Variants in MAP2 observed in about 807,000 individuals in gnomAD.
The protein encoded by MAP2 is microtubule-associated protein 2.
MAP2 carries 14 observed loss-of-function variants against 137.6 expected under a neutral mutation model. The observed-to-expected ratio is 0.10, with a 90% CI of 0.07 to 0.16. The LOEUF (loss-of-function observed/expected upper bound fraction) is 0.16, where lower values mean the gene tolerates loss of function less well. Ranked by LOEUF, MAP2 falls within the 10% of genes least tolerant of loss-of-function variation. MAP2 has a pLI of 1.00. For missense variants in MAP2, 2,088 were observed against 2,191.5 expected (o/e 0.95, Z 0.94); for synonymous variants, 786 against 782.3 (o/e 1.00, Z -0.08).
At chr2:209,644,293 T>C (rs2094248785) in intron 4 of MAP2, among the ~76,000 whole-genome samples, 1 of 152,204 alleles carries the variant, frequency 6.6e-6, no homozygotes, top group African/African-American at 2.4e-5. Flanking sequence ...ACTAGACCTC[T>C]ATCACCCCAT....
intron 4 of MAP2, 82 bp from the exon 5 acceptor site, chr2:209,653,060 A>G (rs2094913932): frequency 2.3e-5 from 25 of 1,099,840 alleles, no homozygotes; most frequent in Non-Finnish European, 3.0e-5. Flanking sequence ...ACGGTTTGCT[A>G]CAAATTTTTC....
intron 2 of MAP2, among the ~76,000 whole-genome samples, chr2:209,510,125 T>A (rs936471792): frequency 6.6e-6 from 1 of 151,932 alleles, no homozygotes; most frequent in East Asian, 1.9e-4. Flanking sequence ...TTTGCCTTTT[T>A]AAAAAAATGT....
At chr2:209,633,993 G>C (rs140984073) in intron 4 of MAP2, among the ~76,000 whole-genome samples, 17 of 152,278 alleles carry the variant, frequency 1.1e-4, no homozygotes, top group South Asian at 2.1e-4. Flanking sequence ...TGCACATTCT[G>C]TCTGCACATT....
intron 1 of MAP2, among the ~76,000 whole-genome samples, chr2:209,451,148 A>T (rs1700211283): frequency 6.6e-6 from 1 of 152,146 alleles, no homozygotes; most frequent in Non-Finnish European, 1.5e-5. Context: ...AGATACACCT[A>T]GATACAGAAG....
chr2:209,585,414 C>T (rs1302574751), intron 3 of MAP2, among the ~76,000 whole-genome samples: 1 of 151,960 alleles, frequency 6.6e-6, no homozygotes, highest in Admixed American at 6.6e-5. Flanking sequence ...AATAAATCCA[C>T]ATTTTGTAAA....
chr2:209,538,201 A>G (rs1355625213), intron 2 of MAP2, among the ~76,000 whole-genome samples: 1 of 152,206 alleles, frequency 6.6e-6, no homozygotes, highest in Admixed American at 6.5e-5. Flanking sequence ...TACTTTACAA[A>G]TGGTTAATAC....
chr2:209,495,479 C>T (rs2059639038), intron 1 of MAP2, among the ~76,000 whole-genome samples: 1 of 152,214 alleles, frequency 6.6e-6, no homozygotes, highest in African/African-American at 2.4e-5. Context: ...ACAAAGCTTC[C>T]AGAGGAAGGA....
intron 2 of MAP2, among the ~76,000 whole-genome samples, chr2:209,556,216 A>C (rs964792037): frequency 6.6e-6 from 1 of 151,244 alleles, no homozygotes; most frequent in Non-Finnish European, 1.5e-5. Context: ...AATTTTTTAA[A>C]TATTTCTTGT....
intron 10 of MAP2, among the ~76,000 whole-genome samples, chr2:209,698,633 G>A (rs1344893964): frequency 1.2e-4 from 18 of 152,132 alleles, no homozygotes; most frequent in Non-Finnish European, 1.2e-4. Context: ...ATCTAAGGCA[G>A]GATTTGAAAA....
intron 5 of MAP2, among the ~76,000 whole-genome samples, chr2:209,672,911 A>G (rs2049496930): frequency 1.3e-5 from 2 of 151,790 alleles, no homozygotes; most frequent in South Asian, 2.1e-4. Context: ...GCATTTCTCA[A>G]TTAGTTTCTC....
intron 4 of MAP2, among the ~76,000 whole-genome samples, chr2:209,639,853 G>A (rs1390528279): frequency 6.6e-6 from 1 of 151,966 alleles, no homozygotes; most frequent in African/African-American, 2.4e-5. Flanking sequence ...GGTGCTGGAG[G>A]TCAGAGATGA....
chr2:209,550,453 A>G (rs963078845), intron 2 of MAP2, among the ~76,000 whole-genome samples: 2 of 152,152 alleles, frequency 1.3e-5, no homozygotes, highest in African/African-American at 2.4e-5. Flanking sequence ...AAAAGACTCA[A>G]AGAAATAGGA....
chr2:209,478,739 T>A (rs977182312), intron 1 of MAP2, among the ~76,000 whole-genome samples: 1 of 152,242 alleles, frequency 6.6e-6, no homozygotes, highest in African/African-American at 2.4e-5. Flanking sequence ...TCCGCATTTT[T>A]ATTTTGTTGA....
intron 2 of MAP2, among the ~76,000 whole-genome samples, chr2:209,538,651 A>G (rs2066384463): frequency 6.6e-6 from 1 of 151,788 alleles, no homozygotes; most frequent in South Asian, 2.1e-4. Context: ...CGCCTGGTAC[A>G]CTTTGGATTA....
At chr2:209,519,642 GAGGGT>G (rs2062992647) in intron 2 of MAP2, among the ~76,000 whole-genome samples, 1 of 152,072 alleles carries the variant, frequency 6.6e-6, no homozygotes, top group Non-Finnish European at 1.5e-5. Flanking sequence ...AAAGAAAAGG[GAGGGT>G]AGAAAGCAGT....
At chr2:209,637,624 T>G (rs2093674419) in intron 4 of MAP2, among the ~76,000 whole-genome samples, 1 of 152,116 alleles carries the variant, frequency 6.6e-6, no homozygotes, top group Non-Finnish European at 1.5e-5. Context: ...TTACCAGTAA[T>G]ACTTCTAACC....
At chr2:209,527,123 T>C (rs1244979378) in intron 2 of MAP2, among the ~76,000 whole-genome samples, 1 of 152,134 alleles carries the variant, frequency 6.6e-6, no homozygotes, top group Non-Finnish European at 1.5e-5. Flanking sequence ...ATTAGAATTG[T>C]CTCATTTTCT....
chr2:209,587,252 G>C (rs546352806), intron 3 of MAP2, among the ~76,000 whole-genome samples: 1 of 152,168 alleles, frequency 6.6e-6, no homozygotes, highest in African/African-American at 2.4e-5. Flanking sequence ...ACACTCCTCT[G>C]TGGGAAGCTT....
rs139520306 is a variant in MAP2, at chr2:209,522,299, A to C, written c.-172+14658A>C. Among the ~76,000 whole-genome samples the C allele has an allele frequency of 4.2e-3, 646 of 152,288 alleles. 3 individuals are homozygous for C. The highest frequency in any genetic ancestry group is 0.015 in the African/African-American group (613 of 41,572). On this transcript the variant is annotated intron_variant, in intron 2 of 15. Coordinates refer to ENST00000682079, the MANE Select transcript of MAP2 (RefSeq NM_001375505.1). ...GCCCTGTAAATATGGCTAATGCAAA[A>C]CCAATGGCACCTGTCACAAAACAGC...
Sources: gnomAD v4.1 joint callset for allele counts (sites outside exome capture counted in the v4.1 genomes callset) on GRCh38, gnomAD v4.1.1 for gene constraint, MANE v1.5 for transcripts, NCBI Gene and HGNC (gene_info 2026-07-23, HGNC 2026-07-21) for gene names.